Variants in TMEM135 observed in about 807,000 individuals in gnomAD.
The protein encoded by TMEM135 is transmembrane protein 135, also known as peroxisomal membrane protein 52.
A neutral mutation model predicts 60.3 loss-of-function variants in TMEM135; 30 were observed. The observed-to-expected ratio is 0.50, with a 90% CI of 0.37 to 0.68. The LOEUF (loss-of-function observed/expected upper bound fraction) is 0.68. TMEM135 is among the 30% of genes least tolerant of loss of function. The probability of loss-of-function intolerance (pLI) is 0.00; values close to 1 mark genes in which losing one functional copy is unlikely to be tolerated. For synonymous variants in TMEM135, 190 were observed against 186.7 expected, an observed-to-expected ratio of 1.02 and a Z score of -0.14; for missense variants, 468 against 548.8, an observed-to-expected ratio of 0.85 and a Z score of 1.47.
At chr11:87,172,389 G>A (rs375154560) in intron 5 of TMEM135, among the ~76,000 whole-genome samples, 1 of 151,556 alleles carries the variant, frequency 6.6e-6, no homozygotes, top group African/African-American at 2.4e-5. Flanking sequence ...GAGTATTAAG[G>A]TTTGTTGCTG....
At chr11:87,155,692 G>T (rs1013897397) in intron 4 of TMEM135, among the ~76,000 whole-genome samples, 1 of 152,172 alleles carries the variant, frequency 6.6e-6, no homozygotes, top group Non-Finnish European at 1.5e-5. Context: ...TTTGGAGATG[G>T]TTGGTTGGTC....
At chr11:87,099,911 G>T (rs1857417544) in intron 4 of TMEM135, among the ~76,000 whole-genome samples, 1 of 151,990 alleles carries the variant, frequency 6.6e-6, no homozygotes, top group Non-Finnish European at 1.5e-5. Context: ...TCGAACTCCT[G>T]ACCTTGTTAT....
At chr11:87,144,709 AGTGTGT>A (rs4014711) in intron 4 of TMEM135, among the ~76,000 whole-genome samples, 4 of 147,134 alleles carry the variant, frequency 2.7e-5, no homozygotes, top group East Asian at 4.0e-4. Context: ...TGTGTGTGAA[AGTGTGT>A]GTGTGTGTGT....
intron 5 of TMEM135, among the ~76,000 whole-genome samples, chr11:87,225,192 G>C (rs1264778528): frequency 1.3e-5 from 2 of 152,106 alleles, no homozygotes; most frequent in Non-Finnish European, 2.9e-5. Flanking sequence ...AAAAGTACTT[G>C]AGAGAAATCC....
At chr11:87,186,714 A>C (rs1325188679) in intron 5 of TMEM135, among the ~76,000 whole-genome samples, 1 of 152,198 alleles carries the variant, frequency 6.6e-6, no homozygotes, top group East Asian at 1.9e-4. Context: ...ATCTCCACTT[A>C]ATAGTAGGAA....
In TMEM135 at chr11:87,323,917, A is replaced by G; in HGVS notation, c.*2584A>G. On this transcript the variant is annotated 3_prime_UTR_variant, in exon 15 of 15. Transcript: ENST00000305494. ...AACTTTTTTCTTGAACTATAAGCAT[A>G]GTCATCACTCAGTTGATATCTAGTT... 1 of 453,718 alleles carries G rather than the reference A, an allele frequency of 2.2e-6. No homozygotes were observed. The highest frequency in any genetic ancestry group is 4.4e-6 in the Non-Finnish European group (1 of 226,746). 28.1% of individuals were successfully genotyped at this position (453,718 alleles called of 1,614,324 possible).
intron 6 of TMEM135, among the ~76,000 whole-genome samples, chr11:87,269,287 T>TTG (rs1019351123): frequency 7.0e-6 from 1 of 143,304 alleles, no homozygotes; most frequent in African/African-American, 2.5e-5. Flanking sequence ...AGGGTTTTTT[T>TTG]TTTTTTTTTT....
intron 4 of TMEM135, chr11:87,121,618 A>T (rs1351791506): frequency 2.7e-5 from 4 of 150,734 alleles, no homozygotes; most frequent in African/African-American, 9.7e-5. Context: ...TTTCTACTTT[A>T]GGACAATCAT....
chr11:87,103,481 GTTTTTTTTT>G (rs869209609), intron 4 of TMEM135, among the ~76,000 whole-genome samples: 4 of 74,440 alleles, frequency 5.4e-5, no homozygotes, highest in African/African-American at 1.2e-4. Flanking sequence ...TGTTTTTTTT[GTTTTTTTTT>G]TTTGTTTGTT....
chr11:87,100,283 G>T (rs907853280), intron 4 of TMEM135, among the ~76,000 whole-genome samples: 2 of 152,206 alleles, frequency 1.3e-5, no homozygotes, highest in Admixed American at 6.5e-5. Flanking sequence ...ATATTTTCTG[G>T]ATACTAATAA....
At position 87,325,330 on chromosome 11, in the gene TMEM135, G is replaced by A. The variant is rs140430696; in HGVS notation, c.*3997G>A. ...TGGCCATGATATAGCTAGTGTCATAGGACTACAGCAGAGTAGTGAGTGAAT... is the reference window on the plus strand; with the variant it reads ...TGGCCATGATATAGCTAGTGTCATAAGACTACAGCAGAGTAGTGAGTGAAT... On this transcript the variant is annotated 3_prime_UTR_variant, in exon 15 of 15. Transcript: ENST00000305494. 273 of 454,114 alleles carry A rather than the reference G, an allele frequency of 6.0e-4. No individual in the cohort carries two copies. The highest frequency in any genetic ancestry group is 1.1e-3 in the Non-Finnish European group (251 of 226,790). 28.1% of individuals were successfully genotyped at this position (454,114 alleles called of 1,614,324 possible). A position where few individuals can be genotyped will look rare whatever the true frequency, so the allele number is the denominator to read the frequency against.
intron 5 of TMEM135, among the ~76,000 whole-genome samples, chr11:87,169,201 A>G (rs145361864): frequency 0.037 from 5,493 of 149,114 alleles, 317 homozygotes; most frequent in African/African-American, 0.13. Context: ...GTGTCTTTGC[A>G]CGTGAGATGG....
At chr11:87,062,648 A>G (rs2512355) in intron 1 of TMEM135, among the ~76,000 whole-genome samples, 1 of 151,038 alleles carries the variant, frequency 6.6e-6, no homozygotes, top group Non-Finnish European at 1.5e-5. Flanking sequence ...TATTTTTAGT[A>G]TAGATGGGAT....
intron 9 of TMEM135, among the ~76,000 whole-genome samples, chr11:87,307,565 T>C (rs1942573208): frequency 6.6e-6 from 1 of 152,090 alleles, no homozygotes; most frequent in Admixed American, 6.6e-5. Flanking sequence ...ATTAAAAAAA[T>C]TGTATGAGAA....
At position 87,277,625 on chromosome 11, in the gene TMEM135, A is replaced by C. The variant is rs537237466; in HGVS notation, c.510-18157A>C. On this transcript the variant is annotated intron_variant, in intron 6 of 14. Transcript: ENST00000305494. ...CAACTTCCACTTCCTGGGTTCAATC[A>C]ATTCTCCTGCCTCAGCCTCCCTAGT... is the stretch of plus-strand genomic sequence containing the variant. 3.3e-5 allele frequency among the ~76,000 whole-genome samples: 5 copies of C among 150,938 alleles called. No homozygotes were observed. In the South Asian group the frequency reaches 1.1e-3, roughly 32 times the overall value.
intron 6 of TMEM135, chr11:87,259,088 G>A: frequency 9.0e-7 from 1 of 1,105,652 alleles, no homozygotes; most frequent in Non-Finnish European, 1.4e-6. Flanking sequence ...AAGAGGTTCT[G>A]GCCGCAGACC....
intron 5 of TMEM135, among the ~76,000 whole-genome samples, chr11:87,207,784 T>C (rs1389645645): frequency 6.6e-6 from 1 of 152,022 alleles, no homozygotes. Flanking sequence ...CCCCACTGCC[T>C]CTGCTGGAGC....
At chr11:87,222,135 T>G (rs1940634494) in intron 5 of TMEM135, among the ~76,000 whole-genome samples, 2 of 116,910 alleles carry the variant, frequency 1.7e-5, no homozygotes, top group South Asian at 5.7e-4. Flanking sequence ...TGAGCCGAGA[T>G]AGCGCCACTG....
At chr11:87,247,836 G>A (rs930321150) in intron 6 of TMEM135, among the ~76,000 whole-genome samples, 5 of 151,962 alleles carry the variant, frequency 3.3e-5, no homozygotes, top group Admixed American at 6.6e-5. Context: ...GCCCTGCTTC[G>A]GCTTGCGTAT....
Sources: allele counts gnomAD v4.1 joint callset (sites outside exome capture counted in the v4.1 genomes callset), GRCh38; gene constraint gnomAD v4.1.1; transcripts MANE v1.5; gene names NCBI Gene and HGNC (gene_info 2026-07-23, HGNC 2026-07-21).